The following RHOT1 variants were observed in gnomAD, a reference collection of about 807,000 sequenced individuals.
RHOT1 encodes the protein ras homolog family member T1.
RHOT1 carries 27 observed loss-of-function variants against 95.3 expected under a neutral mutation model. The observed-to-expected ratio is 0.28, with a 90% CI of 0.21 to 0.39. The LOEUF is 0.39. Ranked by LOEUF, RHOT1 falls within the 10% of genes least tolerant of loss-of-function variation. The probability of loss-of-function intolerance (pLI) is 1.00; values close to 1 mark genes in which losing one functional copy is unlikely to be tolerated. For synonymous variants in RHOT1, 227 were observed against 263.5 expected (o/e 0.86, Z 1.34); for missense variants, 578 against 786.7 (o/e 0.73, Z 3.17).
At chr17:32,196,566 A>T (rs2036906409) in intron 11 of RHOT1, among the ~76,000 whole-genome samples, 1 of 152,158 alleles carries the variant, frequency 6.6e-6, no homozygotes, top group South Asian at 2.1e-4. Context: ...CCCTGCCTTC[A>T]TTCTGGAAGT....
At chr17:32,221,792 C>T (rs1297611080) in intron 19 of RHOT1, among the ~76,000 whole-genome samples, 1 of 152,140 alleles carries the variant, frequency 6.6e-6, no homozygotes, top group Non-Finnish European at 1.5e-5. Context: ...GCAATAAGGT[C>T]AGTCAGAATA....
At chr17:32,207,696 T>C (rs371256674) in intron 17 of RHOT1, 2 of 161,946 alleles carry the variant, frequency 1.2e-5, no homozygotes, top group Admixed American at 5.8e-5. Flanking sequence ...TAAGTGGTTA[T>C]GTCCAGCATG....
intron 1 of RHOT1, chr17:32,151,208 G>A (rs2032247763): frequency 2.6e-6 from 2 of 755,896 alleles, no homozygotes; most frequent in Non-Finnish European, 5.0e-6. Context: ...TGGGAACATG[G>A]TCTGGCTAAA....
intron 8 of RHOT1, among the ~76,000 whole-genome samples, 175 bp from the exon 9 acceptor site, chr17:32,192,026 C>A (rs1019466054): frequency 1.3e-5 from 2 of 152,162 alleles, no homozygotes; most frequent in African/African-American, 4.8e-5. Flanking sequence ...TCAGTCCCAG[C>A]AAATATTGCC....
chr17:32,183,317 T>C, intron 8 of RHOT1, 45 bp downstream of exon 8: 1 of 1,096,212 alleles, frequency 9.1e-7, no homozygotes, highest in Non-Finnish European at 1.2e-6. Flanking sequence ...ATGTAGTAAC[T>C]CTAGTATGGT....
chr17:32,212,080 A>G (rs1034050195), intron 19 of RHOT1, among the ~76,000 whole-genome samples: 10 of 152,188 alleles, frequency 6.6e-5, no homozygotes, highest in Non-Finnish European at 1.3e-4. Context: ...GGTTTTTGAA[A>G]TCATTTAAAA....
At chr17:32,155,313 C>T (rs2032838229) in intron 1 of RHOT1, among the ~76,000 whole-genome samples, 1 of 151,788 alleles carries the variant, frequency 6.6e-6, no homozygotes, top group Non-Finnish European at 1.5e-5. Flanking sequence ...GTGCCCACCA[C>T]CACGCCTGGC....
rs1291890514 is a variant in RHOT1, at chr17:32,222,360, C to A, written c.1863-2256C>A. 2.0e-5 allele frequency among the ~76,000 whole-genome samples: 3 copies of A among 152,152 alleles called. No homozygotes were observed. In the East Asian group the frequency reaches 5.8e-4, roughly 29 times the overall value. ...AAGTTATAATCATCTGTAAACTTCA[C>A]GACTAATCGTTGTTAACCTCATTTC... On this transcript the variant is annotated intron_variant, in intron 19 of 19. Transcript: ENST00000545287.
chr17:32,208,825 A>G (rs2037933172), intron 18 of RHOT1: 1 of 156,476 alleles, frequency 6.4e-6, no homozygotes, highest in Admixed American at 6.2e-5. Context: ...AATGTTTTAC[A>G]TTAAGTGTTA....
intron 19 of RHOT1, among the ~76,000 whole-genome samples, chr17:32,215,894 A>C (rs2038444384): frequency 6.7e-6 from 1 of 148,838 alleles, no homozygotes; most frequent in Non-Finnish European, 1.5e-5. Flanking sequence ...TAATTTATGA[A>C]TAACTGGAAT....
At chr17:32,163,452 C>T (rs2033748764) in intron 1 of RHOT1, among the ~76,000 whole-genome samples, 1 of 152,156 alleles carries the variant, frequency 6.6e-6, no homozygotes, top group Non-Finnish European at 1.5e-5. Context: ...TTAACCAAGG[C>T]TGGGTGTGGT....
chr17:32,210,638 T>C (rs2038065229), intron 18 of RHOT1, among the ~76,000 whole-genome samples: 1 of 152,174 alleles, frequency 6.6e-6, no homozygotes, highest in African/African-American at 2.4e-5. Flanking sequence ...TTTGACTCAT[T>C]TGTATATTTA....
At chr17:32,173,101 A>G (rs986045932) in intron 2 of RHOT1, 1 of 152,232 alleles carries the variant, frequency 6.6e-6, no homozygotes. Context: ...TATTGTGTCT[A>G]TGTAGATAGA....
intron 11 of RHOT1, among the ~76,000 whole-genome samples, chr17:32,198,481 T>G (rs2037068425): frequency 6.6e-6 from 1 of 152,038 alleles, no homozygotes; most frequent in Non-Finnish European, 1.5e-5. Context: ...GAAGCCAAGG[T>G]GGGTGGATTG....
At chr17:32,218,617 G>A (rs1165896020) in intron 19 of RHOT1, among the ~76,000 whole-genome samples, 1 of 151,808 alleles carries the variant, frequency 6.6e-6, no homozygotes, top group African/African-American at 2.4e-5. Flanking sequence ...AGACCAGCCT[G>A]GGCAACAAAG....
intron 1 of RHOT1, among the ~76,000 whole-genome samples, chr17:32,169,380 C>T (rs991730914): frequency 2.0e-5 from 3 of 151,988 alleles, no homozygotes; most frequent in Non-Finnish European, 2.9e-5. Context: ...CAGAAAGTGA[C>T]GGGAATACAA....
At chr17:32,194,218 A>C (rs934420072) in intron 11 of RHOT1, 111 bp downstream of exon 11, 7 of 1,099,698 alleles carry the variant, frequency 6.4e-6, no homozygotes, top group Admixed American at 4.3e-5. Flanking sequence ...TGATCCTCCC[A>C]CCTTGGCCTC....
chr17:32,168,177 C>A (rs1244859118), intron 1 of RHOT1, among the ~76,000 whole-genome samples: 1 of 152,058 alleles, frequency 6.6e-6, no homozygotes, highest in Non-Finnish European at 1.5e-5. Flanking sequence ...CACCCAAGAG[C>A]TCAGATGGAG....
chr17:32,224,769 AC>A lies in RHOT1; in HGVS notation c.*37del. ...AATACTGTCCCTACCAAAAACAAAT[AC>A]TTTTATGTACATTCTGAATGCTTTA... On this transcript the variant is annotated 3_prime_UTR_variant, in exon 20 of 20. Coordinates refer to ENST00000545287, the MANE Select transcript of RHOT1 (RefSeq NM_001033566.3). 1 of 1,218,192 alleles carries A rather than the reference AC, an allele frequency of 8.2e-7. No homozygotes were observed. The allele number at this position is 1,218,192 out of a possible 1,614,324, so 75.5% of individuals were successfully genotyped here.
Sources: allele counts gnomAD v4.1 joint callset (sites outside exome capture counted in the v4.1 genomes callset), GRCh38; gene constraint gnomAD v4.1.1; transcripts MANE v1.5; gene names NCBI Gene and HGNC (gene_info 2026-07-23, HGNC 2026-07-21).